CCBE1: variants seen among roughly 807,000 people sequenced by gnomAD.
CCBE1 encodes collagen and calcium binding EGF domains 1, also known as collagen and calcium-binding EGF domain-containing protein 1.
CCBE1 carries 37 observed loss-of-function variants against 50.0 expected under a neutral mutation model. That is an observed-to-expected ratio of 0.74 (90% CI 0.57 to 0.97). The LOEUF is 0.97. Among genes scored for constraint, CCBE1 ranks in the 50% least tolerant of loss-of-function variants. CCBE1 has a pLI of 0.00. For missense variants in CCBE1, 538 were observed against 523.8 expected (o/e 1.03, Z -0.26); for synonymous variants, 234 against 203.7 (o/e 1.15, Z -1.27).
intron 2 of CCBE1, among the ~76,000 whole-genome samples, chr18:59,653,896 TG>T (rs1255367491): frequency 6.6e-6 from 1 of 152,216 alleles, no homozygotes; most frequent in Non-Finnish European, 1.5e-5. Context: ...CAAATTCTTA[TG>T]GACATATCAT....
At position 59,464,399 on chromosome 18, in the gene CCBE1, G is replaced by T. The variant is rs537149939; in HGVS notation, c.553+2340C>A. On this transcript the variant is annotated intron_variant, in intron 5 of 10. Transcript: ENST00000439986. The stretch of plus-strand genomic sequence containing the variant: ...GCTGAGATTGCACCACTGCACTCCA[G>T]CACTCCAGCCTGGGCAACAGAGCAA... 3.9e-5 allele frequency among the ~76,000 whole-genome samples: 6 copies of T among 152,284 alleles called. No individual in the cohort carries two copies. The East Asian group carries it at 1.2e-3, about 29-fold the overall frequency.
At chr18:59,657,338 T>C (rs2054204205) in intron 2 of CCBE1, among the ~76,000 whole-genome samples, 1 of 152,108 alleles carries the variant, frequency 6.6e-6, no homozygotes, top group Admixed American at 6.5e-5. Flanking sequence ...AGGCTGTGAC[T>C]ATAGACTGAA....
chr18:59,593,755 C>T (rs2053307893), intron 2 of CCBE1, among the ~76,000 whole-genome samples: 1 of 152,218 alleles, frequency 6.6e-6, no homozygotes, highest in Admixed American at 6.5e-5. Context: ...CAAAGCTGTT[C>T]TCATTGTCCA....
chr18:59,466,106 A>G (rs1158124631), intron 5 of CCBE1, among the ~76,000 whole-genome samples: 1 of 152,072 alleles, frequency 6.6e-6, no homozygotes, highest in Admixed American at 6.6e-5. Context: ...ATAAAAATAT[A>G]TGTTATATAT....
chr18:59,475,571 C>T (rs1912267931), intron 3 of CCBE1, among the ~76,000 whole-genome samples: 1 of 152,226 alleles, frequency 6.6e-6, no homozygotes, highest in Admixed American at 6.5e-5. Context: ...TTGTTGATAT[C>T]TTATCCAGTT....
At chr18:59,485,264 A>G (rs1285659837) in intron 2 of CCBE1, among the ~76,000 whole-genome samples, 1 of 152,220 alleles carries the variant, frequency 6.6e-6, no homozygotes, top group Non-Finnish European at 1.5e-5. Flanking sequence ...TGTAAAAAAA[A>G]TAAATAAATA....
chr18:59,548,772 A>G (rs1233821727), intron 2 of CCBE1, among the ~76,000 whole-genome samples: 2 of 152,120 alleles, frequency 1.3e-5, no homozygotes, highest in African/African-American at 4.8e-5. Flanking sequence ...TGTAGGCTAT[A>G]TGGTGTGGCC....
intron 2 of CCBE1, among the ~76,000 whole-genome samples, chr18:59,517,588 T>A (rs1433749549): frequency 6.6e-6 from 1 of 152,194 alleles, no homozygotes; most frequent in Non-Finnish European, 1.5e-5. Flanking sequence ...GGACCCGAAG[T>A]CATATGGAAG....
intron 2 of CCBE1, among the ~76,000 whole-genome samples, chr18:59,577,963 G>T (rs2053023867): frequency 6.6e-6 from 1 of 152,138 alleles, no homozygotes; most frequent in Non-Finnish European, 1.5e-5. Flanking sequence ...TGACAAATGG[G>T]ATCTAATTAA....
intron 5 of CCBE1, among the ~76,000 whole-genome samples, chr18:59,460,502 C>T (rs1598918567): frequency 6.6e-6 from 1 of 152,308 alleles, no homozygotes; most frequent in South Asian, 2.1e-4. Flanking sequence ...ATGTGGGACT[C>T]TTTTTGGCCT....
chr18:59,683,817 G>A (rs1334236000), intron 2 of CCBE1, among the ~76,000 whole-genome samples: 1 of 152,132 alleles, frequency 6.6e-6, no homozygotes, highest in Non-Finnish European at 1.5e-5. Context: ...GCCAAGGGCT[G>A]CAAGCTGGGG....
intron 2 of CCBE1, among the ~76,000 whole-genome samples, chr18:59,617,176 T>C (rs1292583611): frequency 3.9e-5 from 6 of 152,236 alleles, no homozygotes; most frequent in Non-Finnish European, 8.8e-5. Context: ...TCATCATCAC[T>C]GGAACATGGC....
chr18:59,595,742 C>A (rs1357086710), intron 2 of CCBE1, among the ~76,000 whole-genome samples: 1 of 152,140 alleles, frequency 6.6e-6, no homozygotes, highest in Non-Finnish European at 1.5e-5. Flanking sequence ...CTCAGTGTAA[C>A]TGAATATATC....
intron 2 of CCBE1, among the ~76,000 whole-genome samples, chr18:59,649,088 A>T (rs2054093762): frequency 6.6e-6 from 1 of 152,178 alleles, no homozygotes; most frequent in Admixed American, 6.5e-5. Flanking sequence ...ATTTTTTACA[A>T]ACTTCAATGT....
intron 2 of CCBE1, among the ~76,000 whole-genome samples, chr18:59,588,175 T>C (rs925121594): frequency 6.6e-6 from 1 of 152,238 alleles, no homozygotes; most frequent in Non-Finnish European, 1.5e-5. Flanking sequence ...GTATAGCCTA[T>C]ATACAAGTAA....
intron 2 of CCBE1, among the ~76,000 whole-genome samples, chr18:59,543,527 T>C (rs1598995981): frequency 6.6e-6 from 1 of 152,114 alleles, no homozygotes; most frequent in African/African-American, 2.4e-5. Flanking sequence ...ATAAAACTAA[T>C]GCGAGAGGCC....
chr18:59,570,001 C>A (rs879712533), intron 2 of CCBE1, among the ~76,000 whole-genome samples: 1 of 152,226 alleles, frequency 6.6e-6, no homozygotes, highest in African/African-American at 2.4e-5. Context: ...TTCTCTCATT[C>A]TTAAACAGAA....
At chr18:59,604,623 A>C (rs1169068012) in intron 2 of CCBE1, among the ~76,000 whole-genome samples, 1 of 152,232 alleles carries the variant, frequency 6.6e-6, no homozygotes, top group Non-Finnish European at 1.5e-5. Context: ...TGAATTAAAC[A>C]AGCAGATATG....
intron 9 of CCBE1, among the ~76,000 whole-genome samples, chr18:59,438,720 C>A (rs1910272244): frequency 6.6e-6 from 1 of 152,192 alleles, no homozygotes; most frequent in Admixed American, 6.5e-5. Context: ...AAGACAATGG[C>A]TTTTCAGATT....
Sources: allele counts gnomAD v4.1 joint callset (sites outside exome capture counted in the v4.1 genomes callset), GRCh38; gene constraint gnomAD v4.1.1; transcripts MANE v1.5; gene names NCBI Gene and HGNC (gene_info 2026-07-23, HGNC 2026-07-21).